GAB3: variants seen among roughly 807,000 people sequenced by gnomAD.
GAB3 encodes GRB2-associated-binding protein 3.
In GAB3, 12 loss-of-function variants were observed where a neutral mutation model predicts 40.4. That is an observed-to-expected ratio of 0.30 (90% CI 0.19 to 0.48). The LOEUF (loss-of-function observed/expected upper bound fraction) is 0.48, where lower values mean the gene tolerates loss of function less well. Ranked by LOEUF, GAB3 falls within the 20% of genes least tolerant of loss-of-function variation. The pLI is 0.99. For missense variants in GAB3, 381 were observed against 461.9 expected (o/e 0.82, Z 1.61); for synonymous variants, 154 against 176.7 (o/e 0.87, Z 1.02).
chrX:154,683,531 T>C (rs1351586905), intron 8 of GAB3, among the ~76,000 whole-genome samples: 2 of 111,826 alleles, frequency 1.8e-5, no homozygotes, highest in African/African-American at 6.5e-5. Context: ...TTCACCTCCA[T>C]GGAGTGAGGG....
intron 1 of GAB3, among the ~76,000 whole-genome samples, chrX:154,721,804 C>T (rs927753443): frequency 8.9e-6 from 1 of 112,015 alleles, no homozygotes; most frequent in Non-Finnish European, 1.9e-5. Flanking sequence ...CCCTAGTATA[C>T]TGTTGGTGGG....
chrX:154,710,621 G>A lies in GAB3; in HGVS notation c.1069+1608C>T, dbSNP rs138207735. On this transcript the variant is annotated intron_variant, in intron 4 of 9. Transcript: ENST00000424127. ...AACCTTGACCTCACTCTGCCACCACGTACCAACACAGATTCCAGGCAAATC... is the reference window on the plus strand; with the variant it reads ...AACCTTGACCTCACTCTGCCACCACATACCAACACAGATTCCAGGCAAATC... Among the ~76,000 whole-genome samples the A allele has an allele frequency of 4.4e-3, 496 of 111,531 alleles. 3 individuals are homozygous for A. The highest frequency in any genetic ancestry group is 0.015 in the African/African-American group (464 of 30,621).
At position 154,694,636 on chromosome X, in the gene GAB3, G is replaced by A. The variant is rs923955286; in HGVS notation, c.1530+1281C>T. Among the ~76,000 whole-genome samples, 165 of 111,236 alleles carry A rather than the reference G, an allele frequency of 1.5e-3. 1 individual carries two copies. The highest frequency in any genetic ancestry group is 3.4e-3 in the Admixed American group (36 of 10,533). ...TCTCGATCTCCTGACCTTGTGATCC[G>A]CCCGCCTCAGCCTCCCAAAGTGCTG... On this transcript the variant is annotated intron_variant, in intron 8 of 9. Coordinates refer to ENST00000424127, the MANE Select transcript of GAB3 (RefSeq NM_001081573.3).
chrX:154,691,199 A>G (rs1261728481), intron 8 of GAB3, among the ~76,000 whole-genome samples: 2 of 99,612 alleles, frequency 2.0e-5, no homozygotes, highest in Non-Finnish European at 4.0e-5. Flanking sequence ...GTTCTCACTC[A>G]TAGATGGGAA....
chrX:154,751,209 A>C, upstream of GAB3: 1 of 254,659 alleles, frequency 3.9e-6, no homozygotes. Flanking sequence ...CCCGCAACCC[A>C]AGACGGCGGG....
intron 1 of GAB3, among the ~76,000 whole-genome samples, chrX:154,718,688 G>A (rs781792988): frequency 9.0e-6 from 1 of 111,306 alleles, no homozygotes; most frequent in South Asian, 3.8e-4. Context: ...CTAGTCCAGG[G>A]AAGGGGCTCA....
chrX:154,704,049 C>T (rs782738097), intron 4 of GAB3, among the ~76,000 whole-genome samples: 4 of 111,774 alleles, frequency 3.6e-5, no homozygotes, highest in Non-Finnish European at 7.5e-5. Context: ...CGATAGAGTA[C>T]TCTTCAGCCA....
chrX:154,722,883 T>C (rs2071155551), intron 1 of GAB3, among the ~76,000 whole-genome samples: 1 of 111,701 alleles, frequency 9.0e-6, no homozygotes, highest in South Asian at 3.7e-4. Context: ...TTTTCTTTTC[T>C]TTCTTTTTTT....
At chrX:154,733,524 T>C (rs927664712) in intron 1 of GAB3, among the ~76,000 whole-genome samples, 5 of 112,184 alleles carry the variant, frequency 4.5e-5, no homozygotes, top group Non-Finnish European at 9.4e-5. Context: ...AGACACTCAC[T>C]AGATTATTTG....
chrX:154,716,590 A>G (rs782390634), intron 1 of GAB3, among the ~76,000 whole-genome samples: 82 of 112,911 alleles, frequency 7.3e-4, no homozygotes, highest in Non-Finnish European at 1.3e-3. Context: ...CAATCATTGA[A>G]ATTGATGCAG....
chrX:154,751,295 T>A (rs149748952), upstream of GAB3, among the ~76,000 whole-genome samples: 4 of 59,897 alleles, frequency 6.7e-5, no homozygotes, highest in East Asian at 1.7e-3. Flanking sequence ...GGGGGGGGGG[T>A]GTGGGGGGGG....
chrX:154,714,291 G>C (rs1205412246), intron 2 of GAB3, among the ~76,000 whole-genome samples: 11 of 111,794 alleles, frequency 9.8e-5, no homozygotes, highest in Non-Finnish European at 1.5e-4. Flanking sequence ...CTACTACATA[G>C]CCATTACTAC....
At chrX:154,706,138 G>A (rs186833172) in intron 4 of GAB3, among the ~76,000 whole-genome samples, 4 of 111,587 alleles carry the variant, frequency 3.6e-5, no homozygotes, top group South Asian at 3.8e-4. Context: ...GGATCTGGCC[G>A]GGCACAGTGG....
chrX:154,723,655 C>T, intron 1 of GAB3, among the ~76,000 whole-genome samples: 1 of 111,646 alleles, frequency 9.0e-6, no homozygotes, highest in East Asian at 2.8e-4. Flanking sequence ...CAGGCCTTCT[C>T]TGCTGGGTAG....
At chrX:154,707,207 A>G (rs1390093966) in intron 4 of GAB3, among the ~76,000 whole-genome samples, 11 of 111,933 alleles carry the variant, frequency 9.8e-5, no homozygotes, top group African/African-American at 3.6e-4. Flanking sequence ...TGAGCAAAAC[A>G]AATCTAGTAA....
At chrX:154,726,796 A>T (rs1557259412) in intron 1 of GAB3, among the ~76,000 whole-genome samples, 1 of 111,381 alleles carries the variant, frequency 9.0e-6, no homozygotes, top group African/African-American at 3.3e-5. Flanking sequence ...AAAACTTTGG[A>T]GTGATCTTTG....
chrX:154,734,821 T>G (rs2071341755), intron 1 of GAB3, among the ~76,000 whole-genome samples: 1 of 112,345 alleles, frequency 8.9e-6, no homozygotes, highest in African/African-American at 3.2e-5. Context: ...CCCAGCATGC[T>G]TTGAGCACAT....
At chrX:154,708,822 A>G (rs1002100495) in intron 4 of GAB3, among the ~76,000 whole-genome samples, 1 of 112,235 alleles carries the variant, frequency 8.9e-6, no homozygotes, top group Admixed American at 9.4e-5. Flanking sequence ...AACTAAAAAT[A>G]TAACTACCTT....
intron 4 of GAB3, 46 bp downstream of exon 4, chrX:154,712,183 G>T: frequency 1.0e-6 from 1 of 982,941 alleles, no homozygotes; most frequent in Non-Finnish European, 1.4e-6. Context: ...GAGTGAAGAG[G>T]AGCCCGGGTT....
Sources: gnomAD v4.1 joint callset for allele counts (sites outside exome capture counted in the v4.1 genomes callset) on GRCh38, gnomAD v4.1.1 for gene constraint, MANE v1.5 for transcripts, NCBI Gene and HGNC (gene_info 2026-07-23, HGNC 2026-07-21) for gene names.